NSMCE2: variants seen among roughly 807,000 people sequenced by gnomAD.
NSMCE2 encodes E3 SUMO-protein ligase NSE2.
A neutral mutation model predicts 23.8 loss-of-function variants in NSMCE2; 24 were observed. The ratio of observed to expected loss-of-function variants is 1.01; its 90% CI spans 0.73 to 1.42. The LOEUF (loss-of-function observed/expected upper bound fraction) is 1.42, where lower values mean the gene tolerates loss of function less well. Among genes scored for constraint, NSMCE2 ranks in the 40% most tolerant of loss-of-function variants. The pLI, the probability that NSMCE2 is intolerant of heterozygous loss-of-function variation, is 0.00. For missense variants in NSMCE2, 284 were observed against 296.5 expected (o/e 0.96, Z 0.31); for synonymous variants, 92 against 94.1 (o/e 0.98, Z 0.13).
intron 4 of NSMCE2, 115 bp downstream of exon 4, chr8:125,151,392 G>A (rs2130680855): frequency 1.9e-6 from 1 of 526,998 alleles, no homozygotes; most frequent in Non-Finnish European, 3.4e-6. Flanking sequence ...CCTTAATGTA[G>A]CAGCTATTAA....
intron 4 of NSMCE2, among the ~76,000 whole-genome samples, chr8:125,175,865 G>A (rs373630474): frequency 3.9e-5 from 6 of 152,262 alleles, no homozygotes; most frequent in African/African-American, 1.4e-4. Context: ...GTTAAAATAT[G>A]GTGAAAATAA....
At chr8:125,150,422 C>CTT (rs1820933390) in intron 3 of NSMCE2, among the ~76,000 whole-genome samples, 1 of 93,916 alleles carries the variant, frequency 1.1e-5, no homozygotes, top group African/African-American at 4.2e-5. Flanking sequence ...TCTTTTCTTT[C>CTT]TTTCTTTTTT....
chr8:125,283,182 T>C (rs1750258599), intron 5 of NSMCE2, among the ~76,000 whole-genome samples: 3 of 152,198 alleles, frequency 2.0e-5, no homozygotes, highest in Admixed American at 2.0e-4. Context: ...GTCTGATATA[T>C]AGTAAATGCA....
intron 5 of NSMCE2, among the ~76,000 whole-genome samples, chr8:125,274,937 A>G (rs1223840135): frequency 6.6e-6 from 1 of 150,472 alleles, no homozygotes; most frequent in Non-Finnish European, 1.5e-5. Flanking sequence ...CTCAAAAAAA[A>G]AAAAAAAAAG....
intron 5 of NSMCE2, among the ~76,000 whole-genome samples, chr8:125,289,565 C>CT (rs1828030564): frequency 1.3e-5 from 2 of 152,214 alleles, no homozygotes; most frequent in Non-Finnish European, 2.9e-5. Flanking sequence ...CCCCAGTTAA[C>CT]TGTGAGCTCA....
chr8:125,333,735 G>A (rs528927086), intron 5 of NSMCE2, among the ~76,000 whole-genome samples: 2 of 151,562 alleles, frequency 1.3e-5, no homozygotes, highest in African/African-American at 2.4e-5. Flanking sequence ...GGATGGTCTC[G>A]ATCTCCTGAC....
At position 125,215,041 on chromosome 8, in the gene NSMCE2, A is replaced by AT. The variant is rs1477184537; in HGVS notation, c.418+32788dup. 2.8e-3 allele frequency among the ~76,000 whole-genome samples: 288 copies of AT among 104,266 alleles called. 2 individuals are homozygous for AT. Among genetic ancestry groups the AT allele is most frequent in the South Asian group, 0.018 (61 of 3,384 alleles). The allele number at this position is 104,266 out of a possible 152,430, so 68.4% of individuals were successfully genotyped here. A position where few individuals can be genotyped will look rare whatever the true frequency, so the allele number is the denominator to read the frequency against. On this transcript the variant is annotated intron_variant, in intron 5 of 7. Coordinates refer to ENST00000287437, the MANE Select transcript of NSMCE2 (RefSeq NM_173685.4). ...ATTTTATTTTATTTTATTTTATTTTATTTATTATTATTATTATACTTTAAG... is the reference window on the plus strand; with the variant it reads ...ATTTTATTTTATTTTATTTTATTTTATTTTATTATTATTATTATACTTTAAG...
Position 125,102,495 on chromosome 8 carries a change from A to G in NSMCE2, c.157+8A>G. 2 of 1,611,122 alleles carry G rather than the reference A, an allele frequency of 1.2e-6. No individual in the cohort carries two copies. The highest frequency in any genetic ancestry group is 2.2e-5 in the South Asian group (2 of 91,000). ...ATCTTGTGGAAAGTCAGAGTAAGTA[A>G]AATTAAAACCTCTTTTGTGTCTACT... On this transcript the variant is annotated splice_region_variant and intron_variant, in intron 3 of 7. Coordinates refer to ENST00000287437, the MANE Select transcript of NSMCE2 (RefSeq NM_173685.4).
At chr8:125,321,549 T>C (rs904314350) in intron 5 of NSMCE2, among the ~76,000 whole-genome samples, 2 of 152,138 alleles carry the variant, frequency 1.3e-5, no homozygotes, top group African/African-American at 4.8e-5. Flanking sequence ...AAGGCTAGCA[T>C]TACCCTGATG....
At chr8:125,300,912 G>A (rs1406863090) in intron 5 of NSMCE2, among the ~76,000 whole-genome samples, 4 of 152,160 alleles carry the variant, frequency 2.6e-5, no homozygotes, top group East Asian at 1.9e-4. Flanking sequence ...TCTGTAGCCC[G>A]CTGAGCAGTC....
intron 3 of NSMCE2, among the ~76,000 whole-genome samples, chr8:125,111,054 A>T (rs1268365707): frequency 1.3e-5 from 2 of 152,124 alleles, no homozygotes; most frequent in Non-Finnish European, 2.9e-5. Context: ...CATCAAATTG[A>T]TTGAATGATA....
At chr8:125,297,704 G>A (rs1196789700) in intron 5 of NSMCE2, among the ~76,000 whole-genome samples, 2 of 151,774 alleles carry the variant, frequency 1.3e-5, no homozygotes, top group Admixed American at 6.6e-5. Flanking sequence ...GCATAATAGC[G>A]TGCGCCTGTA....
intron 5 of NSMCE2, among the ~76,000 whole-genome samples, chr8:125,347,084 T>TGC: frequency 6.6e-6 from 1 of 152,316 alleles, no homozygotes; most frequent in East Asian, 1.9e-4. Flanking sequence ...AGCTTGCTAT[T>TGC]TGCCAGGAAC....
intron 5 of NSMCE2, among the ~76,000 whole-genome samples, chr8:125,334,260 CT>C (rs1829992061): frequency 6.6e-6 from 1 of 152,156 alleles, no homozygotes; most frequent in Non-Finnish European, 1.5e-5. Context: ...ACTGGAGGTG[CT>C]TTGATCATTG....
chr8:125,153,151 T>C (rs185217507), intron 4 of NSMCE2, among the ~76,000 whole-genome samples: 3 of 152,174 alleles, frequency 2.0e-5, no homozygotes, highest in East Asian at 1.9e-4. Flanking sequence ...TTCTCACTCT[T>C]TCTCACATTC....
chr8:125,226,018 A>G (rs970465264), intron 5 of NSMCE2, among the ~76,000 whole-genome samples: 1 of 152,206 alleles, frequency 6.6e-6, no homozygotes, highest in South Asian at 2.1e-4. Context: ...CGTATATAAC[A>G]CTTAACAATT....
At chr8:125,359,179 A>G (rs910615773) in intron 7 of NSMCE2, among the ~76,000 whole-genome samples, 2 of 149,216 alleles carry the variant, frequency 1.3e-5, no homozygotes, top group African/African-American at 4.9e-5. Context: ...AGGCAGGAGA[A>G]TGGCATGAAC....
chr8:125,230,901 G>C (rs1271189218), intron 5 of NSMCE2, among the ~76,000 whole-genome samples: 42 of 152,284 alleles, frequency 2.8e-4, no homozygotes, highest in East Asian at 9.6e-4. Context: ...GTCAGGGTTT[G>C]CTTACTCTTC....
rs1586521742 is a variant in NSMCE2, at chr8:125,151,490, A to G, written c.264+213A>G. On this transcript the variant is annotated intron_variant, in intron 4 of 7. Transcript: ENST00000287437. ...TTAGGTTGATTAACATATTAAATCT[A>G]TTTTAGATTGCTTGCAATTTTTTGT... 11 of 359,858 alleles carry G rather than the reference A, an allele frequency of 3.1e-5. No individual in the cohort carries two copies. The East Asian group carries it at 4.6e-4, about 15-fold the overall frequency. 22.3% of individuals were successfully genotyped at this position (359,858 alleles called of 1,614,324 possible). A position where few individuals can be genotyped will look rare whatever the true frequency, so the allele number is the denominator to read the frequency against.
Sources: allele counts gnomAD v4.1 joint callset (sites outside exome capture counted in the v4.1 genomes callset), GRCh38; gene constraint gnomAD v4.1.1; transcripts MANE v1.5; gene names NCBI Gene and HGNC (gene_info 2026-07-23, HGNC 2026-07-21).